MIDEAS: variants seen among roughly 807,000 people sequenced by gnomAD.
MIDEAS encodes the protein mitotic deacetylase-associated SANT domain protein.
In MIDEAS, 26 loss-of-function variants were observed where a neutral mutation model predicts 102.7. The ratio of observed to expected loss-of-function variants is 0.25; its 90% CI spans 0.19 to 0.35. The LOEUF (loss-of-function observed/expected upper bound fraction) is 0.35. Among genes scored for constraint, MIDEAS ranks in the 10% least tolerant of loss-of-function variants. The pLI, the probability that MIDEAS is intolerant of heterozygous loss-of-function variation, is 1.00. For synonymous variants in MIDEAS, 585 were observed against 591.0 expected (o/e 0.99, Z 0.15); for missense variants, 1,231 against 1,435.6 (o/e 0.86, Z 2.30).
intron 1 of MIDEAS, among the ~76,000 whole-genome samples, chr14:73,775,151 T>A (rs377707477): frequency 6.6e-6 from 1 of 151,722 alleles, no homozygotes; most frequent in South Asian, 2.1e-4. Flanking sequence ...GCGAGAGAAG[T>A]GCGTCCAGGA....
chr14:73,722,079 A>C (rs192007505), intron 10 of MIDEAS, among the ~76,000 whole-genome samples: 1 of 152,172 alleles, frequency 6.6e-6, no homozygotes, highest in Admixed American at 6.5e-5. Context: ...TGTGTCTTTT[A>C]TACTTCTCTA....
intron 1 of MIDEAS, among the ~76,000 whole-genome samples, chr14:73,753,358 G>C (rs1312911247): frequency 6.6e-6 from 1 of 152,194 alleles, no homozygotes; most frequent in Non-Finnish European, 1.5e-5. Flanking sequence ...TGTTCCTTGT[G>C]CACATGAAAA....
At chr14:73,719,147 A>G (rs2052944301) in intron 12 of MIDEAS, 139 bp from the exon 13 acceptor site, 1 of 1,464,504 alleles carries the variant, frequency 6.8e-7, no homozygotes, top group Non-Finnish European at 9.0e-7. Flanking sequence ...ATTTTCCGAA[A>G]GCTGCCCCAT....
intron 3 of MIDEAS, among the ~76,000 whole-genome samples, chr14:73,736,443 A>G (rs2053201150): frequency 6.6e-6 from 1 of 152,090 alleles, no homozygotes; most frequent in African/African-American, 2.4e-5. Flanking sequence ...CATCCTGGCT[A>G]ACATGGTGAA....
chr14:73,737,187 A>T lies in MIDEAS; in HGVS notation c.1560T>A (p.Ser520Arg). Residue 520 changes from serine (S) to arginine (R), a missense_variant, in exon 3 of 13, where the codon AGT becomes AGA. By Grantham distance (110) the Ser-to-Arg change is moderately radical. Around this residue, in one of 5 missense-constraint regions of MIDEAS, gnomAD observed 758 missense variants for 856.0 expected, o/e 0.89. Transcript: ENST00000423556. ...SLATKRAREDSGMVPLIIPVS... is the reference protein window; with the variant it reads ...SLATKRAREDRGMVPLIIPVS... ...CTGGGATGATGAGGGGTACCATCCC[A>T]CTGTCTTCTCGTGCTCGCTTGGTGG... 6.2e-7 allele frequency: 1 copy of T among 1,614,132 alleles called. No homozygotes were observed. The highest frequency in any genetic ancestry group is 1.1e-5 in the South Asian group (1 of 91,080).
At chr14:73,789,516 C>T (rs562716446), upstream of MIDEAS, among the ~76,000 whole-genome samples, 2 of 152,200 alleles carry the variant, frequency 1.3e-5, no homozygotes, top group Non-Finnish European at 2.9e-5. Flanking sequence ...TCCTGACCCA[C>T]AGAAACTATA....
In MIDEAS at chr14:73,737,075, G is replaced by C; in HGVS notation, c.1672C>G (p.Pro558Ala). The C allele has an allele frequency of 6.2e-7, 1 of 1,614,150 alleles. No homozygotes were observed. Residue 558 changes from proline (P) to alanine (A), a missense_variant, in exon 3 of 13, where the codon CCT becomes GCT. Coordinates refer to ENST00000423556, the MANE Select transcript of MIDEAS (RefSeq NM_001367710.1). ...DEDGKGPEQN[P>A]AEHKPSVIVT... is the part of the protein sequence containing the mutation. ...ATGACTGATGGCTTGTGCTCAGCAG[G>C]GTTCTGTTCAGGACCCTTCCCGTCC... is the stretch of plus-strand genomic sequence containing the variant.
At chr14:73,767,812 T>C (rs907583366) in intron 1 of MIDEAS, among the ~76,000 whole-genome samples, 1 of 152,072 alleles carries the variant, frequency 6.6e-6, no homozygotes, top group Non-Finnish European at 1.5e-5. Context: ...CTTCCTCTAA[T>C]TTTCTGGATG....
intron 1 of MIDEAS, among the ~76,000 whole-genome samples, chr14:73,777,901 G>A (rs1371520420): frequency 6.6e-6 from 1 of 151,938 alleles, no homozygotes; most frequent in Non-Finnish European, 1.5e-5. Context: ...TTTTGTAGAT[G>A]TTTGTCTCCC....
Position 73,716,872 on chromosome 14 carries a change from G to C in MIDEAS, c.*1971C>G, listed in dbSNP as rs987574042. ...AGCACTTTGGGGCTAAGCTGCGAAG[G>C]CACTCGTATTGTACAAGTAATTTCG... On this transcript the variant is annotated 3_prime_UTR_variant, in exon 13 of 13. Transcript: ENST00000423556. 3 of 152,568 alleles carry C rather than the reference G, an allele frequency of 2.0e-5. No homozygotes were observed. The highest frequency in any genetic ancestry group is 4.4e-5 in the Non-Finnish European group (3 of 68,034). The allele number at this position is 152,568 out of a possible 1,614,324, so 9.5% of individuals were successfully genotyped here.
rs944908859 is a variant in MIDEAS at position 73,717,825 on chromosome 14, G to A, written c.*1018C>T. 2.0e-5 allele frequency: 3 copies of A among 152,628 alleles called. No individual in the cohort carries two copies. In the East Asian group the frequency reaches 5.8e-4, roughly 29 times the overall value. 9.5% of individuals were successfully genotyped at this position (152,628 alleles called of 1,614,324 possible). The stretch of plus-strand genomic sequence containing the variant: ...CCTCTCCCTCCCAGGGAAGGATCCA[G>A]AAATCTCCAAAGTGCAGGCCTGGGG... On this transcript the variant is annotated 3_prime_UTR_variant, in exon 13 of 13. Coordinates refer to ENST00000423556, the MANE Select transcript of MIDEAS (RefSeq NM_001367710.1).
In MIDEAS at chr14:73,715,344, GTC is replaced by G. The variant is rs2052868603; in HGVS notation, c.*3497_*3498del. 6.6e-6 allele frequency: 1 copy of G among 152,610 alleles called. No homozygotes were observed. Among genetic ancestry groups the G allele is most frequent in the Non-Finnish European group, 1.5e-5 (1 of 68,040 alleles). 9.5% of individuals were successfully genotyped at this position (152,610 alleles called of 1,614,324 possible). On this transcript the variant is annotated 3_prime_UTR_variant, in exon 13 of 13. Coordinates refer to ENST00000423556, the MANE Select transcript of MIDEAS (RefSeq NM_001367710.1). The stretch of plus-strand genomic sequence containing the variant: ...ATGTACACTATTTTAATATGTAACA[GTC>G]TTTTTAAAAAAGGATGCCACAGGCA...
intron 1 of MIDEAS, among the ~76,000 whole-genome samples, chr14:73,754,644 T>C (rs1424544384): frequency 6.6e-6 from 1 of 152,126 alleles, no homozygotes; most frequent in Non-Finnish European, 1.5e-5. Context: ...TCCCAAATGG[T>C]TTCCCAGCTC....
intron 1 of MIDEAS, among the ~76,000 whole-genome samples, chr14:73,765,586 G>A (rs892223045): frequency 6.6e-6 from 1 of 152,138 alleles, no homozygotes; most frequent in Non-Finnish European, 1.5e-5. Flanking sequence ...AGCTGAGACT[G>A]TTAGCTAGAC....
chr14:73,725,319 T>G lies in MIDEAS; in HGVS notation c.2527A>C (p.Lys843Gln), dbSNP rs779920233. 83 of 1,613,990 alleles carry G rather than the reference T, an allele frequency of 5.1e-5. No individual in the cohort carries two copies. The highest frequency in any genetic ancestry group is 6.8e-5 in the Non-Finnish European group (80 of 1,179,980). Residue 843 changes from lysine (K) to glutamine (Q), a missense_variant, in exon 9 of 13, where the codon AAA (lysine) becomes CAA (glutamine). Around this residue, in one of 5 missense-constraint regions of MIDEAS, gnomAD observed 391 missense variants for 483.0 expected, o/e 0.81. Coordinates refer to ENST00000423556, the MANE Select transcript of MIDEAS (RefSeq NM_001367710.1). This position sits in a 1 kb window ranked among gnomAD's most constrained non-coding sequence, Gnocchi z 4.1. ...TCCTTCTTGTAGATGGCAATGCCTT[T>G]GTTGAACAGCTTCCTCTCGGCCATC... ...WKMAERKLFN[K>Q]GIAIYKKDFF...
chr14:73,765,818 TC>T (rs1167988020), intron 1 of MIDEAS, among the ~76,000 whole-genome samples: 1 of 152,154 alleles, frequency 6.6e-6, no homozygotes, highest in Admixed American at 6.5e-5. Flanking sequence ...CATTGACTCC[TC>T]CAAGTAGAGG....
At chr14:73,726,553 C>A in intron 7 of MIDEAS, 51 bp downstream of exon 7, 1 of 1,571,544 alleles carries the variant, frequency 6.4e-7, no homozygotes, top group South Asian at 1.1e-5. Context: ...GACATGGATC[C>A]AAGCCAGCCC....
intron 3 of MIDEAS, among the ~76,000 whole-genome samples, chr14:73,734,651 G>A (rs1455118981): frequency 2.0e-5 from 3 of 151,830 alleles, no homozygotes; most frequent in South Asian, 2.1e-4. Flanking sequence ...GGCTGGTCTC[G>A]AACTCCTGGG....
chr14:73,765,240 A>G (rs1181185350), upstream of MIDEAS, among the ~76,000 whole-genome samples: 1 of 152,240 alleles, frequency 6.6e-6, no homozygotes, highest in African/African-American at 2.4e-5. Context: ...CACTGATTTT[A>G]AATGAAAACA....
Sources: gnomAD v4.1 joint callset for allele counts (sites outside exome capture counted in the v4.1 genomes callset) on GRCh38, gnomAD v4.1.1 for gene constraint, gnomAD v4.1.1 regional missense constraint, Gnocchi (gnomAD v3.1) non-coding constraint, MANE v1.5 for transcripts, NCBI Gene and HGNC (gene_info 2026-07-23, HGNC 2026-07-21) for gene names.